COL20A1: variants seen among roughly 807,000 people sequenced by gnomAD.
The protein encoded by COL20A1 is collagen alpha-1(XX) chain.
Under a neutral mutation model 152.9 loss-of-function variants are expected in COL20A1, and 164 were observed. The observed-to-expected ratio is 1.07, with a 90% confidence interval of 0.94 to 1.22. COL20A1 has a LOEUF of 1.22. COL20A1 is among the 50% of genes most tolerant of loss of function. The probability of loss-of-function intolerance (pLI) is 0.00; values close to 1 mark genes in which losing one functional copy is unlikely to be tolerated. For missense variants in COL20A1, 1,873 were observed against 1,744.8 expected, an observed-to-expected ratio of 1.07 and a Z score of -1.31; for synonymous variants, 864 against 756.0, an observed-to-expected ratio of 1.14 and a Z score of -2.34.
chr20:63,321,583 C>G (rs1219548572), intron 26 of COL20A1, among the ~76,000 whole-genome samples: 1 of 152,216 alleles, frequency 6.6e-6, no homozygotes, highest in African/African-American at 2.4e-5. Flanking sequence ...GTGCTGGCAG[C>G]CTAGCTCACC....
chr20:63,312,575 G>T, intron 15 of COL20A1, 26 bp downstream of exon 15: 1 of 1,543,154 alleles, frequency 6.5e-7, no homozygotes, highest in Non-Finnish European at 8.7e-7. Context: ...CTGGGGCTGG[G>T]GGTCCAGCAG....
At chr20:63,308,114 C>A (rs764642477) in intron 7 of COL20A1, 24 bp downstream of exon 7, 25 of 1,610,564 alleles carry the variant, frequency 1.6e-5, no homozygotes, top group Non-Finnish European at 2.1e-5. Flanking sequence ...CTGCCCCTCC[C>A]TCTGTCCTGA....
Position 63,305,440 on chromosome 20 carries a change from C to T in COL20A1, c.217C>T (p.Leu73=). The change falls in exon 4 of 36, where the codon CTG becomes TTG. Residue 73 remains leucine, a synonymous_variant. Transcript: ENST00000358894. The surrounding 1 kb of genome is among the most constrained non-coding windows in gnomAD (Gnocchi z 4.9). ...AGGGGACTCGGAACAGGAGGTGATA[C>T]TGACCACCAAGACCCCTAAGGCCAC... ...MAGDSEQEVI[L]TTKTPKATVG... The T allele has an allele frequency of 2.5e-6, 4 of 1,588,496 alleles. 1 individual carries two copies. The highest frequency in any genetic ancestry group is 3.4e-6 in the Non-Finnish European group (4 of 1,169,758).
Position 63,307,497 on chromosome 20 carries a change from C to G in COL20A1, c.504C>G (p.Pro168=). ...CCGCTCCCACCGCCCCAGCCGGCCCCCAGTTCCGCTGCCTGCCCCCCGTGC... is the reference window on the plus strand; with the variant it reads ...CCGCTCCCACCGCCCCAGCCGGCCCGCAGTTCCGCTGCCTGCCCCCCGTGC... ...PSQDPRTPAG[P]QFRCLPPVPA... Residue 168 remains proline (P), a synonymous_variant, in exon 6 of 36, where the codon CCC becomes CCG. Transcript: ENST00000358894. 6.2e-7 allele frequency: 1 copy of G among 1,611,676 alleles called. No homozygotes were observed. Among genetic ancestry groups the G allele is most frequent in the South Asian group, 1.1e-5 (1 of 91,058 alleles).
rs2068368714 is a variant in COL20A1, at chr20:63,334,377, C to T, written c.*3661C>T. On this transcript the variant is annotated 3_prime_UTR_variant, in exon 36 of 36. Coordinates refer to ENST00000358894, the MANE Select transcript of COL20A1 (RefSeq NM_020882.4). ...CTCTGTGCTGCAGCTGCAGTGGTAC[C>T]TAGAGGGCAATTTATAGCTGTAAAT... 6.6e-6 allele frequency: 1 copy of T among 152,222 alleles called. No individual in the cohort carries two copies. Among genetic ancestry groups the T allele is most frequent in the Non-Finnish European group, 1.5e-5 (1 of 68,054 alleles). 9.4% of individuals were successfully genotyped at this position (152,222 alleles called of 1,614,324 possible). A position where few individuals can be genotyped will look rare whatever the true frequency, so the allele number is the denominator to read the frequency against.
At chr20:63,326,451 G>A (rs998455177) in intron 30 of COL20A1, among the ~76,000 whole-genome samples, 10 of 152,182 alleles carry the variant, frequency 6.6e-5, no homozygotes, top group Non-Finnish European at 1.3e-4. Context: ...TTGCCTCCCT[G>A]CAAGCGCCAC....
rs573331622 is a variant in COL20A1, at chr20:63,319,252, A to G, written c.2806+52A>G. 5.5e-5 allele frequency: 86 copies of G among 1,571,302 alleles called. No homozygotes were observed. The East Asian group carries it at 1.5e-3, about 27-fold the overall frequency. On this transcript the variant is annotated intron_variant, in intron 22 of 35. Coordinates refer to ENST00000358894, the MANE Select transcript of COL20A1 (RefSeq NM_020882.4). This position sits in a 1 kb window ranked among gnomAD's most constrained non-coding sequence, Gnocchi z 4.4. ...GCAGTCAGGAGGAGTAGGGGCAGGG[A>G]GGCCCCAGAGCCCTGGGAGGCCTTC...
Position 63,334,332 on chromosome 20 carries a change from A to G in COL20A1, c.*3616A>G, listed in dbSNP as rs2068368190. ...GATACTTGTAACCAAATAATGATGGATGCAGCGCCACGTCAGAATCTCTGT... is the reference window on the plus strand; with the variant it reads ...GATACTTGTAACCAAATAATGATGGGTGCAGCGCCACGTCAGAATCTCTGT... On this transcript the variant is annotated 3_prime_UTR_variant, in exon 36 of 36. Transcript: ENST00000358894. 6.6e-6 allele frequency: 1 copy of G among 152,264 alleles called. No individual in the cohort carries two copies. The highest frequency in any genetic ancestry group is 2.4e-5 in the African/African-American group (1 of 41,448). The allele number at this position is 152,264 out of a possible 1,614,324, so 9.4% of individuals were successfully genotyped here.
At chr20:63,310,327 C>T in intron 10 of COL20A1, 54 bp from the exon 11 acceptor site, 1 of 1,589,636 alleles carries the variant, frequency 6.3e-7, no homozygotes, top group African/African-American at 1.3e-5. Flanking sequence ...CTGTCCTGCT[C>T]CCCATCCCCC....
chr20:63,321,420 C>G (rs1000360006), intron 26 of COL20A1, among the ~76,000 whole-genome samples: 3 of 152,108 alleles, frequency 2.0e-5, no homozygotes, highest in Non-Finnish European at 2.9e-5. Context: ...GGGCCTCCCC[C>G]ACGAACCCTC....
Position 63,328,363 on chromosome 20 carries a change from A to T in COL20A1, c.3646A>T (p.Asn1216Tyr), listed in dbSNP as rs755698534. ...GTCAAAGTTCGACTCCTTCCACGAG[A>T]ACACCAGGCCCCCCATGCCCATCTT... ...HVSKFDSFHE[N>Y]TRPPMPILEQ... Residue 1216 changes from asparagine (N) to tyrosine (Y), a missense_variant, in exon 34 of 36, where the codon AAC becomes TAC. Coordinates refer to ENST00000358894, the MANE Select transcript of COL20A1 (RefSeq NM_020882.4). 40 of 1,612,572 alleles carry T rather than the reference A, an allele frequency of 2.5e-5. No homozygotes were observed. Among genetic ancestry groups the T allele is most frequent in the Non-Finnish European group, 3.3e-5 (39 of 1,179,594 alleles).
chr20:63,305,604 G>T lies in COL20A1; in HGVS notation c.337+44G>T. ...AGCTGGGTACCCACTCCTCCAGGCC[G>T]GGTCCCACCCTCCTCTGGGCTGGGG... On this transcript the variant is annotated intron_variant, in intron 4 of 35. Coordinates refer to ENST00000358894, the MANE Select transcript of COL20A1 (RefSeq NM_020882.4). This position sits in a 1 kb window ranked among gnomAD's most constrained non-coding sequence, Gnocchi z 4.9. 6.5e-7 allele frequency: 1 copy of T among 1,544,446 alleles called. No homozygotes were observed. The highest frequency in any genetic ancestry group is 2.3e-5 in the East Asian group (1 of 43,488).
rs1240637791 is a variant in COL20A1 at position 63,306,440 on chromosome 20, C to G, written c.496+401C>G. ...GTTCCCAGGTTCACTCAAGCCAGGC[C>G]ACTGGGAGCAGGTGGTCCCACTACC... On this transcript the variant is annotated intron_variant, in intron 5 of 35. Coordinates refer to ENST00000358894, the MANE Select transcript of COL20A1 (RefSeq NM_020882.4). This position sits in a 1 kb window ranked among gnomAD's most constrained non-coding sequence, Gnocchi z 6.9. Among the ~76,000 whole-genome samples, 1 of 152,272 alleles carries G rather than the reference C, an allele frequency of 6.6e-6. No individual in the cohort carries two copies. Among genetic ancestry groups the G allele is most frequent in the African/African-American group, 2.4e-5 (1 of 41,472 alleles).
chr20:63,319,557 G>A lies in COL20A1; in HGVS notation c.2877G>A (p.Pro959=), dbSNP rs773180997. 42 of 1,595,580 alleles carry A rather than the reference G, an allele frequency of 2.6e-5. No homozygotes were observed. Among genetic ancestry groups the A allele is most frequent in the South Asian group, 5.7e-5 (5 of 87,704 alleles). ...CCTTGCAGGAGGCCACCTTCGACCC[G>A]CAGGAAGTGAGGAAGATTTTCTTCG... ...RAALQEATFD[P]QEVRKIFFGS... Residue 959 remains proline (P), a synonymous_variant, in exon 23 of 36, where the codon CCG becomes CCA. Coordinates refer to ENST00000358894, the MANE Select transcript of COL20A1 (RefSeq NM_020882.4). This position sits in a 1 kb window ranked among gnomAD's most constrained non-coding sequence, Gnocchi z 4.4.
Position 63,314,053 on chromosome 20 carries a change from G to A in COL20A1, c.2359-19G>A. On this transcript the variant is annotated intron_variant, in intron 18 of 35. Transcript: ENST00000358894. ...AAGTTGCCCAGGAAGTGGGGACCAG[G>A]CACCCTCCCTTCTCCTAGGTCTCTG... The A allele has an allele frequency of 1.2e-6, 2 of 1,612,544 alleles. No homozygotes were observed. The highest frequency in any genetic ancestry group is 1.1e-5 in the South Asian group (1 of 91,052).
intron 29 of COL20A1, 47 bp downstream of exon 29, chr20:63,325,768 G>A: frequency 6.4e-7 from 1 of 1,552,170 alleles, no homozygotes; most frequent in East Asian, 2.2e-5. Context: ...GTAGAGACTG[G>A]CCTGGGGACG....
At chr20:63,322,566 C>T (rs761166478) in intron 27 of COL20A1, among the ~76,000 whole-genome samples, 25 of 152,088 alleles carry the variant, frequency 1.6e-4, no homozygotes, top group Non-Finnish European at 2.8e-4. Context: ...GCATGCGCGG[C>T]GTGCAGGGAG....
At chr20:63,314,412 C>T (rs955604642) in intron 19 of COL20A1, among the ~76,000 whole-genome samples, 6 of 152,112 alleles carry the variant, frequency 3.9e-5, no homozygotes, top group Non-Finnish European at 5.9e-5. Context: ...GGGACAAGGA[C>T]GTGGTCACAC....
chr20:63,307,062 C>G (rs1441179755), intron 5 of COL20A1, among the ~76,000 whole-genome samples: 1 of 152,226 alleles, frequency 6.6e-6, no homozygotes, highest in East Asian at 1.9e-4. Context: ...GCCCGCCTCA[C>G]CAGGCACTGC....
Sources: gnomAD v4.1 joint callset for allele counts (sites outside exome capture counted in the v4.1 genomes callset) on GRCh38, gnomAD v4.1.1 for gene constraint, Gnocchi (gnomAD v3.1) non-coding constraint, MANE v1.5 for transcripts, NCBI Gene and HGNC (gene_info 2026-07-23, HGNC 2026-07-21) for gene names.